The following ZMYM4 variants were observed in gnomAD, a reference collection of about 807,000 sequenced individuals.
ZMYM4 encodes zinc finger MYM-type protein 4.
Under a neutral mutation model 183.2 loss-of-function variants are expected in ZMYM4, and 31 were observed. The ratio of observed to expected loss-of-function variants is 0.17; its 90% CI spans 0.13 to 0.23. The LOEUF is 0.23. ZMYM4 is among the 10% of genes least tolerant of loss of function. The probability of loss-of-function intolerance (pLI) is 1.00; values close to 1 mark genes in which losing one functional copy is unlikely to be tolerated. For synonymous variants in ZMYM4, 592 were observed against 631.2 expected, an observed-to-expected ratio of 0.94 and a Z score of 0.93; for missense variants, 1,273 against 1,840.3, an observed-to-expected ratio of 0.69 and a Z score of 5.64.
intron 23 of ZMYM4, among the ~76,000 whole-genome samples, chr1:35,402,625 AAAG>A (rs1233825316): frequency 6.6e-6 from 1 of 152,132 alleles, no homozygotes; most frequent in African/African-American, 2.4e-5. Flanking sequence ...TCTCAAAAAA[AAAG>A]AAAAACAATT....
intron 28 of ZMYM4, among the ~76,000 whole-genome samples, chr1:35,417,783 G>A (rs1640180197): frequency 6.6e-6 from 1 of 152,162 alleles, no homozygotes; most frequent in African/African-American, 2.4e-5. Context: ...GCCGAGGTGG[G>A]CTGATCACCT....
At chr1:35,392,104 A>T (rs1344201023) in intron 15 of ZMYM4, 108 bp from the exon 16 acceptor site, 1 of 1,451,640 alleles carries the variant, frequency 6.9e-7, no homozygotes, top group East Asian at 2.3e-5. Context: ...TTTTGCTCCA[A>T]CAGAAATTAC....
In ZMYM4 at chr1:35,325,388, A is replaced by G. The variant is rs1445500177; in HGVS notation, c.68A>G (p.Asp23Gly). ...GAACAAAAAAGTGGTGCAGTTTTTG[A>G]TGAAATTGTAGAGAACTGTAAGTAC... Reference protein sequence around the residue: ...RFEQKSGAVFDEIVENCGGIM... With the variant: ...RFEQKSGAVFGEIVENCGGIM... Residue 23 changes from aspartate (D) to glycine (G), a missense_variant, in exon 2 of 30, where the codon GAT (aspartate) becomes GGT (glycine). Transcript: ENST00000314607. The G allele has an allele frequency of 6.2e-7, 1 of 1,602,912 alleles. No individual in the cohort carries two copies. The highest frequency in any genetic ancestry group is 8.5e-7 in the Non-Finnish European group (1 of 1,174,154).
intron 15 of ZMYM4, among the ~76,000 whole-genome samples, chr1:35,391,818 G>A (rs1037727351): frequency 4.6e-5 from 7 of 151,192 alleles, no homozygotes; most frequent in African/African-American, 1.5e-4. Context: ...TGAGGCAGGC[G>A]GATCACGAGG....
At chr1:35,412,336 C>T (rs1639947689) in intron 26 of ZMYM4, among the ~76,000 whole-genome samples, 1 of 152,114 alleles carries the variant, frequency 6.6e-6, no homozygotes, top group African/African-American at 2.4e-5. Context: ...ATATAGGATT[C>T]TGTCACCTGC....
chr1:35,382,820 A>G (rs1159084137), intron 9 of ZMYM4, among the ~76,000 whole-genome samples: 2 of 152,192 alleles, frequency 1.3e-5, no homozygotes, highest in Admixed American at 6.5e-5. Flanking sequence ...AAAAACATGA[A>G]GAAATGCAGT....
At chr1:35,356,882 G>GA (rs201714073) in intron 2 of ZMYM4, among the ~76,000 whole-genome samples, 2,818 of 148,514 alleles carry the variant, frequency 0.019, 81 homozygotes, top group African/African-American at 0.064. Context: ...GCAAAGCTCA[G>GA]AAAAAAAAAA....
intron 26 of ZMYM4, among the ~76,000 whole-genome samples, chr1:35,411,961 C>T (rs1639920564): frequency 6.6e-6 from 1 of 152,094 alleles, no homozygotes; most frequent in Non-Finnish European, 1.5e-5. Flanking sequence ...CAGCTCACTG[C>T]AAGCTCCGCC....
chr1:35,349,769 G>T (rs1180134501), intron 2 of ZMYM4, among the ~76,000 whole-genome samples: 1 of 150,478 alleles, frequency 6.6e-6, no homozygotes, highest in Non-Finnish European at 1.5e-5. Context: ...AGTGGAAGTT[G>T]CAGTGAGCTG....
chr1:35,336,389 C>CTTT (rs35011285), intron 2 of ZMYM4, among the ~76,000 whole-genome samples: 1 of 143,726 alleles, frequency 7.0e-6, no homozygotes. Flanking sequence ...TCACAATTAC[C>CTTT]TTTTTTTTTT....
chr1:35,352,397 C>T (rs1570417093), intron 2 of ZMYM4, among the ~76,000 whole-genome samples: 1 of 151,708 alleles, frequency 6.6e-6, no homozygotes. Context: ...CACACACACA[C>T]ACACACACAC....
At chr1:35,336,961 T>TA in intron 2 of ZMYM4, among the ~76,000 whole-genome samples, 1 of 152,326 alleles carries the variant, frequency 6.6e-6, no homozygotes, top group East Asian at 1.9e-4. Flanking sequence ...CATGTGCTCT[T>TA]CGTGCTCTTG....
At chr1:35,366,884 C>T (rs1049790453) in intron 5 of ZMYM4, among the ~76,000 whole-genome samples, 1 of 151,858 alleles carries the variant, frequency 6.6e-6, no homozygotes, top group African/African-American at 2.4e-5. Flanking sequence ...ATTAGCCGGG[C>T]GTGGTGGTGC....
chr1:35,358,485 A>G (rs1484736476), intron 2 of ZMYM4, among the ~76,000 whole-genome samples: 1 of 151,946 alleles, frequency 6.6e-6, no homozygotes, highest in Non-Finnish European at 1.5e-5. Context: ...ATTCCCTTCT[A>G]TTTGTCAGTC....
intron 1 of ZMYM4, among the ~76,000 whole-genome samples, chr1:35,283,715 TTG>T (rs1373319893): frequency 6.6e-6 from 1 of 152,150 alleles, no homozygotes; most frequent in Non-Finnish European, 1.5e-5. Context: ...CATGTGTTTA[TTG>T]GCCTTTTGTA....
chr1:35,402,809 T>G (rs2149018625), intron 23 of ZMYM4, among the ~76,000 whole-genome samples: 1 of 146,856 alleles, frequency 6.8e-6, no homozygotes, highest in Non-Finnish European at 1.5e-5. Flanking sequence ...ACAATCATAT[T>G]ATCTGTGAAT....
chr1:35,346,913 T>G (rs1015692057), intron 2 of ZMYM4, among the ~76,000 whole-genome samples: 4 of 152,212 alleles, frequency 2.6e-5, no homozygotes, highest in Non-Finnish European at 5.9e-5. Flanking sequence ...ATTCTTCTTT[T>G]TACAACCTTT....
intron 2 of ZMYM4, among the ~76,000 whole-genome samples, chr1:35,343,049 G>T (rs1298447868): frequency 6.6e-6 from 1 of 151,992 alleles, no homozygotes. Flanking sequence ...AACAGATGGG[G>T]CTATCTCTGT....
At chr1:35,352,276 CACACA>C (rs1643647714) in intron 2 of ZMYM4, among the ~76,000 whole-genome samples, 1 of 20,110 alleles carries the variant, frequency 5.0e-5, no homozygotes, top group Non-Finnish European at 1.0e-4. Context: ...CGCGCACACA[CACACA>C]CACACACACA....
Sources: allele counts gnomAD v4.1 joint callset (sites outside exome capture counted in the v4.1 genomes callset), GRCh38; gene constraint gnomAD v4.1.1; transcripts MANE v1.5; gene names NCBI Gene and HGNC (gene_info 2026-07-23, HGNC 2026-07-21).